The following MCMDC2 variants were observed in gnomAD, a reference collection of about 807,000 sequenced individuals.
The protein encoded by MCMDC2 is minichromosome maintenance domain-containing protein 2.
A neutral mutation model predicts 75.8 loss-of-function variants in MCMDC2; 54 were observed. That is an observed-to-expected ratio of 0.71 (90% CI 0.57 to 0.89). MCMDC2 has a LOEUF of 0.89. MCMDC2 is among the 40% of genes least tolerant of loss of function. The pLI is 0.00. For synonymous variants in MCMDC2, 249 were observed against 274.6 expected, an observed-to-expected ratio of 0.91 and a Z score of 0.92; for missense variants, 656 against 780.4, an observed-to-expected ratio of 0.84 and a Z score of 1.90.
At chr8:66,914,007 AT>A (rs1027219936) in intron 14 of MCMDC2, among the ~76,000 whole-genome samples, 46 of 149,102 alleles carry the variant, frequency 3.1e-4, no homozygotes, top group African/African-American at 1.1e-3. Flanking sequence ...GTGGGGCATC[AT>A]GGCTCATGCC....
chr8:66,877,100 C>T (rs1365491848), intron 4 of MCMDC2, among the ~76,000 whole-genome samples: 1 of 151,958 alleles, frequency 6.6e-6, no homozygotes, highest in Non-Finnish European at 1.5e-5. Context: ...TGGATATGGT[C>T]AGAAATTGTG....
At chr8:66,883,548 C>G (rs976746999) in intron 8 of MCMDC2, among the ~76,000 whole-genome samples, 9 of 151,962 alleles carry the variant, frequency 5.9e-5, no homozygotes, top group Non-Finnish European at 1.3e-4. Flanking sequence ...AATCATAGCA[C>G]TTTGGGAGGT....
downstream of MCMDC2, chr8:66,926,282 T>C (rs1247959608): frequency 1.3e-5 from 2 of 152,274 alleles, no homozygotes; most frequent in Admixed American, 6.5e-5. Context: ...GAATCCTGAC[T>C]GCAAAGCACT....
intron 13 of MCMDC2, among the ~76,000 whole-genome samples, chr8:66,904,592 C>T (rs1434102518): frequency 6.6e-6 from 1 of 152,046 alleles, no homozygotes; most frequent in Non-Finnish European, 1.5e-5. Flanking sequence ...AGAGACTCAG[C>T]CTAGGTTTTC....
At chr8:66,891,368 G>C (rs867446382) in intron 10 of MCMDC2, among the ~76,000 whole-genome samples, 5 of 152,208 alleles carry the variant, frequency 3.3e-5, no homozygotes, top group Non-Finnish European at 4.4e-5. Flanking sequence ...AAGTAGTGTT[G>C]AGAGAGGACA....
In MCMDC2 at chr8:66,891,434, A is replaced by G. The variant is rs116156077; in HGVS notation, c.1279+364A>G. Among the ~76,000 whole-genome samples the G allele has an allele frequency of 1.1e-3, 167 of 152,334 alleles. 1 individual carries two copies. The highest frequency in any genetic ancestry group is 3.9e-3 in the African/African-American group (162 of 41,586). On this transcript the variant is annotated intron_variant, in intron 10 of 14. Coordinates refer to ENST00000422365, the MANE Select transcript of MCMDC2 (RefSeq NM_173518.5). ...AGCTTCAAGTTTCTCACCATTAAGT[A>G]TGATGTTAGCTGTACATTTTTTGTA...
chr8:66,893,346 A>G (rs983152126), intron 10 of MCMDC2, among the ~76,000 whole-genome samples: 1 of 151,950 alleles, frequency 6.6e-6, no homozygotes. Flanking sequence ...CCATCTCTAC[A>G]AAAAAAAGCA....
In MCMDC2 at chr8:66,909,104, G is replaced by A. The variant is rs1813010651; in HGVS notation, c.1879+3769G>A. ...TGAGTGAGTTCTCACAAATCTGATG[G>A]TTTTATAAGGGCTCTTCCCCCTTCG... On this transcript the variant is annotated intron_variant, in intron 14 of 14. Coordinates refer to ENST00000422365, the MANE Select transcript of MCMDC2 (RefSeq NM_173518.5). 5.3e-5 allele frequency among the ~76,000 whole-genome samples: 8 copies of A among 152,150 alleles called. No individual in the cohort carries two copies. The South Asian group carries it at 1.7e-3, about 32-fold the overall frequency.
chr8:66,878,897 A>G lies in MCMDC2; in HGVS notation c.687A>G (p.Gln229=), dbSNP rs755259831. 12 of 1,606,404 alleles carry G rather than the reference A, an allele frequency of 7.5e-6. No individual in the cohort carries two copies. The highest frequency in any genetic ancestry group is 8.5e-6 in the Non-Finnish European group (10 of 1,175,856). The stretch of plus-strand genomic sequence containing the variant: ...CTAACAACCAGCCATTTAGGTTTCA[A>G]TCACTTACAATTTTCCTAAGAGGTA... The part of the protein sequence containing the change: ...GYSNNQPFRF[Q]SLTIFLRDES... Residue 229 remains glutamine, a synonymous_variant, in exon 7 of 15, where the codon CAA becomes CAG. Coordinates refer to ENST00000422365, the MANE Select transcript of MCMDC2 (RefSeq NM_173518.5).
At position 66,919,812 on chromosome 8, in the gene MCMDC2, CTT is replaced by C. The variant is rs1462527349; in HGVS notation, c.*644_*645del. 1.3e-5 allele frequency: 2 copies of C among 152,116 alleles called. No individual in the cohort carries two copies. Among genetic ancestry groups the C allele is most frequent in the African/African-American group, 2.4e-5 (1 of 41,424 alleles). The allele number at this position is 152,116 out of a possible 1,614,324, so 9.4% of individuals were successfully genotyped here. A position where few individuals can be genotyped will look rare whatever the true frequency, so the allele number is the denominator to read the frequency against. On this transcript the variant is annotated 3_prime_UTR_variant, in exon 15 of 15. Coordinates refer to ENST00000422365, the MANE Select transcript of MCMDC2 (RefSeq NM_173518.5). ...TTACACGGAAACAAGGAGCCAATAACTTATAAATTGGCTCTCTAACCCTAACT... is the reference window on the plus strand; with the variant it reads ...TTACACGGAAACAAGGAGCCAATAACATAAATTGGCTCTCTAACCCTAACT...
At chr8:66,924,148 C>T (rs1813649417), downstream of MCMDC2, among the ~76,000 whole-genome samples, 3 of 152,054 alleles carry the variant, frequency 2.0e-5, no homozygotes, top group East Asian at 1.9e-4. Flanking sequence ...GAAGTCCCAG[C>T]ACTTACCAGT....
At chr8:66,911,578 C>T (rs1360255980) in intron 14 of MCMDC2, among the ~76,000 whole-genome samples, 1 of 151,606 alleles carries the variant, frequency 6.6e-6, no homozygotes. Flanking sequence ...AATCCTAAAA[C>T]TTTGGGGGTC....
intron 8 of MCMDC2, 117 bp downstream of exon 8, chr8:66,881,091 T>C: frequency 1.3e-6 from 1 of 798,440 alleles, no homozygotes; most frequent in South Asian, 4.7e-5. Context: ...AAGAATACAG[T>C]TGTAAACAGG....
Position 66,878,658 on chromosome 8 carries a change from C to G in MCMDC2, c.566C>G (p.Ser189Cys), listed in dbSNP as rs1811414410. Residue 189 changes from serine to cysteine, a missense_variant, in exon 6 of 15, where the codon TCT (serine) becomes TGT (cysteine). Transcript: ENST00000422365. Reference sequence around the variant, plus strand: ...GACTTTTTGTGTAATCTATGTGCATCTTCACTTCAAGAAGACAGAAAATTT... The same window carrying G: ...GACTTTTTGTGTAATCTATGTGCATGTTCACTTCAAGAAGACAGAAAATTT... ...RNDFLCNLCA[S>C]SLQEDRKFRV... 1.9e-6 allele frequency: 3 copies of G among 1,570,322 alleles called. No individual in the cohort carries two copies. Among genetic ancestry groups the G allele is most frequent in the Admixed American group, 2.1e-5 (1 of 48,762 alleles).
intron 1 of MCMDC2, among the ~76,000 whole-genome samples, chr8:66,871,158 G>A (rs975131054): frequency 2.0e-5 from 3 of 151,962 alleles, no homozygotes; most frequent in African/African-American, 7.3e-5. Flanking sequence ...GTGAAAACGC[G>A]TCCACTCCCC....
At position 66,905,212 on chromosome 8, in the gene MCMDC2, AT is replaced by A; in HGVS notation, c.1770-10del. Reference sequence around the variant, plus strand: ...TATCAACATATTTTCTTTGGCAACTATTTTCTTTTTTAGCGTTTTCCTATCT... The same window carrying A: ...TATCAACATATTTTCTTTGGCAACTATTTCTTTTTTAGCGTTTTCCTATCT... On this transcript the variant is annotated splice_polypyrimidine_tract_variant and intron_variant, in intron 13 of 14. Transcript: ENST00000422365. 7.2e-7 allele frequency: 1 copy of A among 1,392,628 alleles called. No homozygotes were observed. The highest frequency in any genetic ancestry group is 2.8e-5 in the East Asian group (1 of 35,576). The allele number at this position is 1,392,628 out of a possible 1,614,324, so 86.3% of individuals were successfully genotyped here. A position where few individuals can be genotyped will look rare whatever the true frequency, so the allele number is the denominator to read the frequency against.
intron 2 of MCMDC2, 35 bp from the exon 3 acceptor site, chr8:66,874,291 G>C (rs1390507536): frequency 1.2e-6 from 2 of 1,607,846 alleles, no homozygotes; most frequent in Non-Finnish European, 1.7e-6. Context: ...CCTACACATA[G>C]CTATCCTGAC....
intron 14 of MCMDC2, among the ~76,000 whole-genome samples, chr8:66,913,725 G>A (rs1469192213): frequency 3.3e-5 from 5 of 152,070 alleles, no homozygotes; most frequent in Non-Finnish European, 7.4e-5. Context: ...CAACACTTTG[G>A]GAGGCCGGGG....
chr8:66,891,278 A>G lies in MCMDC2; in HGVS notation c.1279+208A>G, dbSNP rs369792600. Among the ~76,000 whole-genome samples, 64 of 152,334 alleles carry G rather than the reference A, an allele frequency of 4.2e-4. 1 individual carries two copies. In the South Asian group the frequency reaches 0.012, roughly 29 times the overall value. The stretch of plus-strand genomic sequence containing the variant: ...GCCTTTGCTCTCAGTGTGCTAACAC[A>G]TGAGCTTGTAATGGTCCAGATTTAT... On this transcript the variant is annotated intron_variant, in intron 10 of 14. Coordinates refer to ENST00000422365, the MANE Select transcript of MCMDC2 (RefSeq NM_173518.5).
Sources: allele counts gnomAD v4.1 joint callset (sites outside exome capture counted in the v4.1 genomes callset), GRCh38; gene constraint gnomAD v4.1.1; transcripts MANE v1.5; gene names NCBI Gene and HGNC (gene_info 2026-07-23, HGNC 2026-07-21).